Variants in HMCN1 observed in about 807,000 individuals in gnomAD.
HMCN1 encodes the protein hemicentin 1.
In HMCN1, 321 loss-of-function variants were observed where a neutral mutation model predicts 625.9. The observed-to-expected ratio is 0.51, with a 90% CI of 0.47 to 0.56. The LOEUF (loss-of-function observed/expected upper bound fraction) is 0.56, where lower values mean the gene tolerates loss of function less well. HMCN1 is among the 20% of genes least tolerant of loss of function. HMCN1 has a pLI of 0.00. For synonymous variants in HMCN1, 2,425 were observed against 2,417.6 expected, an observed-to-expected ratio of 1.00 and a Z score of -0.09; for missense variants, 6,588 against 6,887.3, an observed-to-expected ratio of 0.96 and a Z score of 1.54.
Position 185,734,900 on chromosome 1 carries a change from A to G in HMCN1, c.121A>G (p.Thr41Ala). 1 of 1,614,174 alleles carries G rather than the reference A, an allele frequency of 6.2e-7. No homozygotes were observed. The highest frequency in any genetic ancestry group is 8.5e-7 in the Non-Finnish European group (1 of 1,180,012). ...TGAGGAAATTCCCGAGGGGGCCTCC[A>G]CGTTGGCTTTTGTGTTTGATGTGAC... Reference protein sequence around the residue: ...RAEEIPEGASTLAFVFDVTGS... With the variant: ...RAEEIPEGASALAFVFDVTGS... The change falls in exon 1 of 107, where the codon ACG (threonine) becomes GCG (alanine). Residue 41 changes from threonine (T) to alanine (A), a missense_variant. Transcript: ENST00000271588.
At chr1:186,126,020 T>C (rs973259109) in intron 82 of HMCN1, among the ~76,000 whole-genome samples, 1 of 152,116 alleles carries the variant, frequency 6.6e-6, no homozygotes, top group Non-Finnish European at 1.5e-5. Flanking sequence ...TTATTTTGTG[T>C]TTGTGGAAAT....
At chr1:185,991,963 T>A (rs1652461798) in intron 22 of HMCN1, among the ~76,000 whole-genome samples, 1 of 152,180 alleles carries the variant, frequency 6.6e-6, no homozygotes, top group South Asian at 2.1e-4. Context: ...TGAGGAATTT[T>A]TGCCAATTGT....
At chr1:186,005,997 G>A (rs995456358) in intron 29 of HMCN1, among the ~76,000 whole-genome samples, 5 of 151,964 alleles carry the variant, frequency 3.3e-5, no homozygotes, top group African/African-American at 7.2e-5. Context: ...TTAGCCATGC[G>A]TGGTGGCAGG....
chr1:186,010,787 T>A (rs1380461462), intron 30 of HMCN1, among the ~76,000 whole-genome samples: 1 of 152,182 alleles, frequency 6.6e-6, no homozygotes, highest in East Asian at 1.9e-4. Context: ...GGCAATATAG[T>A]AAATATTTTA....
At chr1:186,030,234 A>G (rs1040429026) in intron 36 of HMCN1, among the ~76,000 whole-genome samples, 1 of 152,092 alleles carries the variant, frequency 6.6e-6, no homozygotes, top group African/African-American at 2.4e-5. Flanking sequence ...CAAGTCTTCT[A>G]TCTTTTTATT....
At chr1:186,061,190 A>G (rs556890335) in intron 46 of HMCN1, among the ~76,000 whole-genome samples, 31 of 152,208 alleles carry the variant, frequency 2.0e-4, no homozygotes, top group African/African-American at 6.3e-4. Flanking sequence ...GAGATTGGGT[A>G]ATTTATAAAG....
At chr1:185,813,928 T>C (rs6677289) in intron 1 of HMCN1, among the ~76,000 whole-genome samples, 20,666 of 152,092 alleles carry the variant, frequency 0.14, 1,761 homozygotes, top group East Asian at 0.43. Context: ...GAAAAAATAA[T>C]GAGTGAATGA....
chr1:186,118,944 CTAAGTA>C (rs1270202696), intron 77 of HMCN1, among the ~76,000 whole-genome samples: 6 of 152,042 alleles, frequency 3.9e-5, no homozygotes, highest in Admixed American at 3.3e-4. Flanking sequence ...TTGCATAACT[CTAAGTA>C]TACTAAAAAT....
intron 1 of HMCN1, among the ~76,000 whole-genome samples, chr1:185,780,324 T>C (rs1656974991): frequency 6.6e-6 from 1 of 152,206 alleles, no homozygotes; most frequent in African/African-American, 2.4e-5. Context: ...CTTTTCCTAA[T>C]TGAATGTCCT....
At chr1:185,951,710 C>A (rs1220217484) in intron 11 of HMCN1, among the ~76,000 whole-genome samples, 1 of 151,732 alleles carries the variant, frequency 6.6e-6, no homozygotes, top group East Asian at 1.9e-4. Context: ...TAGGAGGAAT[C>A]CCGGGCTGAG....
At chr1:186,176,134 C>T (rs889288668) in intron 103 of HMCN1, among the ~76,000 whole-genome samples, 2 of 152,022 alleles carry the variant, frequency 1.3e-5, no homozygotes, top group African/African-American at 4.8e-5. Context: ...CATGTGTTGA[C>T]CTAACAATAG....
At chr1:185,911,049 C>G (rs761585673) in intron 5 of HMCN1, among the ~76,000 whole-genome samples, 21 of 152,136 alleles carry the variant, frequency 1.4e-4, no homozygotes, top group African/African-American at 5.1e-4. Flanking sequence ...ATTGCACTGC[C>G]TCTTTTAATT....
At chr1:186,126,193 GA>G (rs1408239860) in intron 82 of HMCN1, among the ~76,000 whole-genome samples, 1 of 151,620 alleles carries the variant, frequency 6.6e-6, no homozygotes, top group African/African-American at 2.4e-5. Context: ...TTAAAAAAAG[GA>G]AAAAAGTCTA....
intron 46 of HMCN1, 135 bp from the exon 47 acceptor site, chr1:186,061,716 C>A: frequency 2.0e-6 from 1 of 488,740 alleles, no homozygotes; most frequent in Non-Finnish European, 3.6e-6. Context: ...TTTAAAAAAG[C>A]TTAACATAAA....
At chr1:186,160,429 GCT>G (rs1413408693) in intron 97 of HMCN1, among the ~76,000 whole-genome samples, 2 of 145,008 alleles carry the variant, frequency 1.4e-5, no homozygotes, top group Non-Finnish European at 3.0e-5. Context: ...CTTCAGTTCT[GCT>G]CTGATTTTAG....
At position 185,783,255 on chromosome 1, in the gene HMCN1, T is replaced by C. The variant is rs140375482; in HGVS notation, c.268+48208T>C. On this transcript the variant is annotated intron_variant, in intron 1 of 106. Transcript: ENST00000271588. ...TCTAGTTACCCATTCATCTAATCTT[T>C]TATCAAGGTTTTTAGCTTCTTTGCG... Among the ~76,000 whole-genome samples the C allele has an allele frequency of 7.2e-4, 109 of 152,322 alleles. 1 individual carries two copies. The highest frequency in any genetic ancestry group is 2.6e-3 in the African/African-American group (109 of 41,582).
At chr1:185,807,220 C>T (rs901949842) in intron 1 of HMCN1, among the ~76,000 whole-genome samples, 1 of 152,136 alleles carries the variant, frequency 6.6e-6, no homozygotes, top group Non-Finnish European at 1.5e-5. Context: ...TTGAAGGTTA[C>T]TTAGTCCTTG....
At position 186,166,846 on chromosome 1, in the gene HMCN1, G is replaced by A. The variant is rs759202617; in HGVS notation, c.15478G>A (p.Ala5160Thr). Residue 5160 changes from alanine to threonine, a missense_variant, in exon 100 of 107, where the codon GCT (alanine) becomes ACT (threonine). By Grantham distance (58) the Ala-to-Thr change is moderately conservative (BLOSUM62 0). Transcript: ENST00000271588. ...ECALGRHTCH[A>T]GQDCDNTIGS... is the part of the protein sequence containing the mutation. ...TGCTTTGGGTAGGCATACCTGCCAC[G>A]CTGGTCAGGACTGTGACAATACGAT... 25 of 1,614,030 alleles carry A rather than the reference G, an allele frequency of 1.5e-5. No individual in the cohort carries two copies. Among genetic ancestry groups the A allele is most frequent in the African/African-American group, 6.7e-5 (5 of 74,920 alleles).
intron 85 of HMCN1, among the ~76,000 whole-genome samples, chr1:186,131,333 C>T (rs1348368729): frequency 1.3e-5 from 2 of 151,966 alleles, no homozygotes; most frequent in Non-Finnish European, 2.9e-5. Flanking sequence ...TTGATTGTTC[C>T]TTCTGTTATG....
Sources: allele counts gnomAD v4.1 joint callset (sites outside exome capture counted in the v4.1 genomes callset), GRCh38; gene constraint gnomAD v4.1.1; transcripts MANE v1.5; gene names NCBI Gene and HGNC (gene_info 2026-07-23, HGNC 2026-07-21).